The following PLCZ1 variants were observed in gnomAD, a reference collection of about 807,000 sequenced individuals.
PLCZ1 encodes 1-phosphatidylinositol 4,5-bisphosphate phosphodiesterase zeta-1.
Under a neutral mutation model 76.8 loss-of-function variants are expected in PLCZ1, and 64 were observed. The ratio of observed to expected loss-of-function variants is 0.83; its 90% CI spans 0.68 to 1.03. The LOEUF is 1.03. Among genes scored for constraint, PLCZ1 ranks in the 50% least tolerant of loss-of-function variants. The pLI, the probability that PLCZ1 is intolerant of heterozygous loss-of-function variation, is 0.00. For synonymous variants in PLCZ1, 248 were observed against 230.8 expected (o/e 1.07, Z -0.68); for missense variants, 751 against 713.7 (o/e 1.05, Z -0.60).
intron 12 of PLCZ1, chr12:18,692,835 G>A: frequency 1.9e-6 from 3 of 1,581,556 alleles, no homozygotes; most frequent in Middle Eastern, 1.9e-4. Context: ...ACAACTCAAG[G>A]ACAAGAAAAA....
rs567743418 is a variant in PLCZ1 at position 18,706,339 on chromosome 12, C to T, written c.715-1024G>A. Reference sequence around the variant, plus strand: ...AAGCAAGTTACCAAAAAGTAGCATGCTATATTTTTATTGTTAATATACAAA... The same window carrying T: ...AAGCAAGTTACCAAAAAGTAGCATGTTATATTTTTATTGTTAATATACAAA... On this transcript the variant is annotated intron_variant, in intron 6 of 14. Coordinates refer to ENST00000266505, the MANE Select transcript of PLCZ1 (RefSeq NM_033123.4). Among the ~76,000 whole-genome samples, 199 of 151,742 alleles carry T rather than the reference C, an allele frequency of 1.3e-3. 1 individual carries two copies. The highest frequency in any genetic ancestry group is 4.7e-3 in the African/African-American group (193 of 41,386).
the PLCZ1 span, among the ~76,000 whole-genome samples, chr12:18,654,402 C>T: frequency 6.7e-6 from 1 of 149,032 alleles, no homozygotes; most frequent in Non-Finnish European, 1.5e-5. Flanking sequence ...TAAAACTCCT[C>T]TTAAAGTATC....
At chr12:18,659,171 T>A in the PLCZ1 span, among the ~76,000 whole-genome samples, 1 of 152,146 alleles carries the variant, frequency 6.6e-6, no homozygotes, top group Non-Finnish European at 1.5e-5. Context: ...ATATTATAGT[T>A]GGAGCTAATA....
chr12:18,702,349 G>A (rs975348174), intron 7 of PLCZ1, among the ~76,000 whole-genome samples: 2 of 152,026 alleles, frequency 1.3e-5, no homozygotes, highest in African/African-American at 4.8e-5. Flanking sequence ...TTTACCATCA[G>A]TGTCACTTGT....
chr12:18,720,309 T>C (rs1958361961), intron 4 of PLCZ1, among the ~76,000 whole-genome samples: 1 of 151,910 alleles, frequency 6.6e-6, no homozygotes, highest in Non-Finnish European at 1.5e-5. Context: ...TGCTACAAAT[T>C]GTGCTGCCAA....
intron 7 of PLCZ1, among the ~76,000 whole-genome samples, chr12:18,704,411 C>T (rs893564740): frequency 2.0e-5 from 3 of 152,006 alleles, no homozygotes; most frequent in South Asian, 2.1e-4. Context: ...CTGTAACCCC[C>T]GCCTCCCGGG....
At chr12:18,656,975 T>G in the PLCZ1 span, among the ~76,000 whole-genome samples, 1 of 152,166 alleles carries the variant, frequency 6.6e-6, no homozygotes, top group African/African-American at 2.4e-5. Context: ...CAGCTCACAT[T>G]TTTTGTATAG....
chr12:18,684,995 T>C (rs1159760421), intron 13 of PLCZ1, among the ~76,000 whole-genome samples: 1 of 152,020 alleles, frequency 6.6e-6, no homozygotes, highest in African/African-American at 2.4e-5. Context: ...GATTCTAAGT[T>C]TCCTGAGGCC....
intron 11 of PLCZ1, 26 bp from the exon 12 acceptor site, chr12:18,695,105 T>C (rs757728867): frequency 6.3e-7 from 1 of 1,597,364 alleles, no homozygotes; most frequent in Admixed American, 1.7e-5. Context: ...ATTTTGACAT[T>C]GTCAGGTAAT....
intron 4 of PLCZ1, among the ~76,000 whole-genome samples, chr12:18,721,982 A>T (rs1958469844): frequency 6.6e-6 from 1 of 151,468 alleles, no homozygotes; most frequent in African/African-American, 2.4e-5. Context: ...GTCTCTCCAA[A>T]CTCATCTCTC....
chr12:18,662,254 C>T, the PLCZ1 span, among the ~76,000 whole-genome samples: 1 of 152,118 alleles, frequency 6.6e-6, no homozygotes, highest in Non-Finnish European at 1.5e-5. Flanking sequence ...GTACATCAAA[C>T]CCCTGCAACA....
intron 4 of PLCZ1, among the ~76,000 whole-genome samples, chr12:18,722,053 T>G (rs535985363): frequency 6.6e-6 from 1 of 152,148 alleles, no homozygotes; most frequent in African/African-American, 2.4e-5. Context: ...CAATTCAGAT[T>G]TAATGCTTCC....
intron 5 of PLCZ1, among the ~76,000 whole-genome samples, chr12:18,717,966 CA>C (rs1232702556): frequency 6.6e-6 from 1 of 152,122 alleles, no homozygotes; most frequent in African/African-American, 2.4e-5. Flanking sequence ...TGAGCAGCAG[CA>C]GTGAGCTACA....
chr12:18,697,152 G>A (rs560743606), intron 10 of PLCZ1, among the ~76,000 whole-genome samples: 3 of 152,106 alleles, frequency 2.0e-5, no homozygotes, highest in East Asian at 1.9e-4. Context: ...CATTCCTGCT[G>A]ATATAGTGAC....
chr12:18,727,699 A>G (rs1245653369), intron 3 of PLCZ1, among the ~76,000 whole-genome samples: 2 of 152,170 alleles, frequency 1.3e-5, no homozygotes, highest in African/African-American at 4.8e-5. Context: ...GAAAGAATAA[A>G]GAGTTATTGA....
At chr12:18,652,580 A>G in the PLCZ1 span, among the ~76,000 whole-genome samples, 3 of 152,238 alleles carry the variant, frequency 2.0e-5, no homozygotes, top group Admixed American at 1.3e-4. Flanking sequence ...ATATTGGGTC[A>G]TCATCTGTTG....
downstream of PLCZ1, among the ~76,000 whole-genome samples, chr12:18,682,995 C>T (rs1952571041): frequency 6.6e-6 from 1 of 151,966 alleles, no homozygotes; most frequent in Non-Finnish European, 1.5e-5. Flanking sequence ...GAAAACAACT[C>T]AGCAGCAGAA....
In PLCZ1 at chr12:18,684,808, G is replaced by T. The variant is rs530898855; in HGVS notation, c.1592-529C>A. Among the ~76,000 whole-genome samples, 10 of 152,084 alleles carry T rather than the reference G, an allele frequency of 6.6e-5. No homozygotes were observed. The South Asian group carries it at 1.0e-3, about 16-fold the overall frequency. On this transcript the variant is annotated intron_variant, in intron 13 of 14. Transcript: ENST00000266505. ...TCTCATCTTGAATTGTAATCCCCAG[G>T]TGTTTAGGAAGACACCTGGTAGAAA...
chr12:18,651,065 A>G, the PLCZ1 span, among the ~76,000 whole-genome samples: 3 of 151,926 alleles, frequency 2.0e-5, no homozygotes, highest in Non-Finnish European at 4.4e-5. Flanking sequence ...AAAAGGCCCT[A>G]TGTGATCTGA....
Sources: gnomAD v4.1 joint callset for allele counts (sites outside exome capture counted in the v4.1 genomes callset) on GRCh38, gnomAD v4.1.1 for gene constraint, MANE v1.5 for transcripts, NCBI Gene and HGNC (gene_info 2026-07-23, HGNC 2026-07-21) for gene names.